AKAIN1: variants seen among roughly 807,000 people sequenced by gnomAD.
AKAIN1 encodes A-kinase anchor inhibitor 1.
AKAIN1 carries 3 observed loss-of-function variants against 3.7 expected under a neutral mutation model. That is an observed-to-expected ratio of 0.82 (90% CI 0.37 to 2.12). The LOEUF (loss-of-function observed/expected upper bound fraction) is 2.12. Ranked by LOEUF, AKAIN1 falls within the 30% of genes most tolerant of loss-of-function variation. The probability of loss-of-function intolerance (pLI) is 0.06; values close to 1 mark genes in which losing one functional copy is unlikely to be tolerated. For synonymous variants in AKAIN1, 31 were observed against 30.8 expected, an observed-to-expected ratio of 1.01 and a Z score of -0.02; for missense variants, 82 against 82.7, an observed-to-expected ratio of 0.99 and a Z score of 0.03.
intron 1 of AKAIN1, among the ~76,000 whole-genome samples, chr18:5,168,585 G>A (rs951996711): frequency 6.6e-6 from 1 of 151,988 alleles, no homozygotes; most frequent in South Asian, 2.1e-4. Flanking sequence ...ACTTTATCTT[G>A]AAGCCCACTA....
intron 1 of AKAIN1, among the ~76,000 whole-genome samples, chr18:5,171,789 C>CA (rs1233674119): frequency 2.0e-5 from 3 of 152,006 alleles, no homozygotes; most frequent in African/African-American, 7.2e-5. Context: ...GGAGGTTCCT[C>CA]AAAAAACTAA....
At chr18:5,152,248 C>T (rs1172124845) in intron 1 of AKAIN1, among the ~76,000 whole-genome samples, 1 of 152,168 alleles carries the variant, frequency 6.6e-6, no homozygotes, top group East Asian at 1.9e-4. Flanking sequence ...GGATAGCTGA[C>T]ATTACAATAA....
rs990452588 is a variant in AKAIN1, at chr18:5,143,047, C to T, written c.*2515G>A. 7.2e-5 allele frequency among the ~76,000 whole-genome samples: 11 copies of T among 152,084 alleles called. No homozygotes were observed. The highest frequency in any genetic ancestry group is 2.7e-4 in the African/African-American group (11 of 41,394). On this transcript the variant is annotated 3_prime_UTR_variant, in exon 2 of 2. Coordinates refer to ENST00000434239, the MANE Select transcript of AKAIN1 (RefSeq NM_001145194.2). ...CAGCTGAACACACAGAGATGGGAAGCCTGTGTATGCAGTAAATCAGAAAGA... is the reference window on the plus strand; with the variant it reads ...CAGCTGAACACACAGAGATGGGAAGTCTGTGTATGCAGTAAATCAGAAAGA...
In AKAIN1 at chr18:5,144,446, A is replaced by G. The variant is rs748983948; in HGVS notation, c.*1116T>C. Among the ~76,000 whole-genome samples, 1 of 152,220 alleles carries G rather than the reference A, an allele frequency of 6.6e-6. No homozygotes were observed. The highest frequency in any genetic ancestry group is 1.5e-5 in the Non-Finnish European group (1 of 68,036). On this transcript the variant is annotated 3_prime_UTR_variant, in exon 2 of 2. Transcript: ENST00000434239. ...GAAATATGTGCATTATCCTCACAGA[A>G]GTGGAGCAGGGATTGATCCTGTTGC...
intron 1 of AKAIN1, among the ~76,000 whole-genome samples, chr18:5,174,900 G>A (rs894326748): frequency 2.6e-4 from 39 of 152,064 alleles, no homozygotes; most frequent in African/African-American, 9.4e-4. Flanking sequence ...ACCTTTCCAG[G>A]GTGGTCACTG....
rs150601356 is a variant in AKAIN1 at position 5,189,300 on chromosome 18, G to A, written c.16+7738C>T. ...CCATTGTCTTTATGAATAGCACCTG[G>A]CATCCTTCTATCCATTGTAATCTCT... On this transcript the variant is annotated intron_variant, in intron 1 of 1. Transcript: ENST00000434239. Among the ~76,000 whole-genome samples the A allele has an allele frequency of 3.2e-3, 489 of 152,196 alleles. 2 individuals carry two copies. Among genetic ancestry groups the A allele is most frequent in the Middle Eastern group, 0.014 (4 of 294 alleles).
At chr18:5,164,752 T>C (rs1324875945) in intron 1 of AKAIN1, among the ~76,000 whole-genome samples, 4 of 152,050 alleles carry the variant, frequency 2.6e-5, no homozygotes, top group African/African-American at 2.4e-5. Context: ...GAGTAATGCA[T>C]ACTACACTAG....
intron 1 of AKAIN1, among the ~76,000 whole-genome samples, chr18:5,155,478 C>A (rs535109433): frequency 6.6e-6 from 1 of 152,280 alleles, no homozygotes; most frequent in Non-Finnish European, 1.5e-5. Context: ...TCCCTGTGCC[C>A]CTCCCCGAAA....
rs113623566 is a variant in AKAIN1, at chr18:5,159,004, T to C, written c.17-13249A>G. The stretch of plus-strand genomic sequence containing the variant: ...AAATACAAAAATCTTGCTCCAGCCA[T>C]GAGTTCCCTATCCTAGTATATGTGG... On this transcript the variant is annotated intron_variant, in intron 1 of 1. Transcript: ENST00000434239. 8.0e-3 allele frequency among the ~76,000 whole-genome samples: 1,213 copies of C among 152,320 alleles called. 11 individuals are homozygous for C. The highest frequency in any genetic ancestry group is 0.027 in the African/African-American group (1,112 of 41,570).
intron 1 of AKAIN1, 74 bp downstream of exon 1, chr18:5,196,964 T>C: frequency 6.6e-6 from 9 of 1,357,256 alleles, no homozygotes; most frequent in Non-Finnish European, 6.2e-6. Flanking sequence ...AAAGAGGCCT[T>C]TTTTCCCTCT....
intron 1 of AKAIN1, among the ~76,000 whole-genome samples, chr18:5,166,592 G>T (rs920803972): frequency 2.0e-5 from 3 of 152,022 alleles, no homozygotes; most frequent in African/African-American, 4.8e-5. Context: ...TGATAAATAT[G>T]CAGAAGAAAA....
upstream of AKAIN1, among the ~76,000 whole-genome samples, chr18:5,197,691 T>A (rs1052537341): frequency 2.0e-5 from 3 of 151,844 alleles, no homozygotes; most frequent in African/African-American, 7.3e-5. The surrounding 1 kb of genome is among the most constrained non-coding windows in gnomAD (Gnocchi z 6.9). Context: ...ACACAGTGAC[T>A]ATGGAGCGCT....
intron 1 of AKAIN1, among the ~76,000 whole-genome samples, chr18:5,190,495 A>G (rs145357625): frequency 4.3e-4 from 65 of 152,332 alleles, no homozygotes; most frequent in Non-Finnish European, 6.9e-4. Context: ...ACAAAACTCT[A>G]TAACCATATA....
upstream of AKAIN1, chr18:5,197,544 A>G (rs1367542961): frequency 9.6e-5 from 107 of 1,120,046 alleles, no homozygotes; most frequent in Non-Finnish European, 7.7e-6. This position sits in a 1 kb window ranked among gnomAD's most constrained non-coding sequence, Gnocchi z 6.9. Context: ...ACTCTCGAGG[A>G]TGACTCTGAG....
At chr18:5,174,942 G>T (rs2071217850) in intron 1 of AKAIN1, among the ~76,000 whole-genome samples, 1 of 152,088 alleles carries the variant, frequency 6.6e-6, no homozygotes, top group South Asian at 2.1e-4. Flanking sequence ...ACAGTAAGAG[G>T]TTTAGCAGCA....
In AKAIN1 at chr18:5,151,053, A is replaced by T. The variant is rs200762147; in HGVS notation, c.17-5298T>A. 1.4e-4 allele frequency among the ~76,000 whole-genome samples: 21 copies of T among 152,038 alleles called. No homozygotes were observed. The East Asian group carries it at 4.1e-3, about 30-fold the overall frequency. On this transcript the variant is annotated intron_variant, in intron 1 of 1. Transcript: ENST00000434239. Reference sequence around the variant, plus strand: ...ATCACAAATGGCATCTCTATCTCTCATCTCTCCCCACTGACTCACTAAGTA... The same window carrying T: ...ATCACAAATGGCATCTCTATCTCTCTTCTCTCCCCACTGACTCACTAAGTA...
intron 1 of AKAIN1, among the ~76,000 whole-genome samples, chr18:5,168,318 T>G (rs1031831305): frequency 3.3e-5 from 5 of 152,088 alleles, no homozygotes; most frequent in Non-Finnish European, 7.4e-5. Flanking sequence ...AATGTAACCT[T>G]TCTTAATAAC....
chr18:5,184,786 C>A (rs1482233985), intron 1 of AKAIN1, among the ~76,000 whole-genome samples: 1 of 152,078 alleles, frequency 6.6e-6, no homozygotes, highest in Non-Finnish European at 1.5e-5. Context: ...TTTACAGATT[C>A]AATGCTACTC....
At chr18:5,152,896 G>A (rs898960864) in intron 1 of AKAIN1, among the ~76,000 whole-genome samples, 2 of 152,196 alleles carry the variant, frequency 1.3e-5, no homozygotes, top group Non-Finnish European at 2.9e-5. Flanking sequence ...GGGGTCCTGG[G>A]GAGGTATCAG....
Sources: allele counts gnomAD v4.1 joint callset (sites outside exome capture counted in the v4.1 genomes callset), GRCh38; gene constraint gnomAD v4.1.1; non-coding constraint Gnocchi (gnomAD v3.1); transcripts MANE v1.5; gene names NCBI Gene and HGNC (gene_info 2026-07-23, HGNC 2026-07-21).